MAN1C1: variants seen among roughly 807,000 people sequenced by gnomAD.
MAN1C1 encodes mannosyl-oligosaccharide 1,2-alpha-mannosidase IC.
MAN1C1 carries 49 observed loss-of-function variants against 71.5 expected under a neutral mutation model. The observed-to-expected ratio is 0.69, with a 90% confidence interval of 0.54 to 0.87. MAN1C1 has a LOEUF of 0.87. MAN1C1 is among the 40% of genes least tolerant of loss of function. MAN1C1 has a pLI of 0.00. For synonymous variants in MAN1C1, 352 were observed against 343.7 expected, an observed-to-expected ratio of 1.02 and a Z score of -0.27; for missense variants, 743 against 835.0, an observed-to-expected ratio of 0.89 and a Z score of 1.36.
At chr1:25,728,770 A>G (rs1178722479) in intron 2 of MAN1C1, among the ~76,000 whole-genome samples, 1 of 152,116 alleles carries the variant, frequency 6.6e-6, no homozygotes, top group Non-Finnish European at 1.5e-5. Context: ...TGGGAAACGC[A>G]GTGCCTGCCT....
rs879716987 is a variant in MAN1C1, at chr1:25,675,591, G to C, written c.541-10849G>C. On this transcript the variant is annotated intron_variant, in intron 1 of 11. Coordinates refer to ENST00000374332, the MANE Select transcript of MAN1C1 (RefSeq NM_020379.4). ...ATATAATGACTTATTTTGCGGGGGG[G>C]GGGGGAGGTGGTTACCCAGTGTGGG... Among the ~76,000 whole-genome samples the C allele has an allele frequency of 4.9e-3, 710 of 143,724 alleles. 14 individuals carry two copies. The highest frequency in any genetic ancestry group is 0.016 in the African/African-American group (635 of 39,150). The allele number at this position is 143,724 out of a possible 152,430, so 94.3% of individuals were successfully genotyped here.
intron 1 of MAN1C1, among the ~76,000 whole-genome samples, chr1:25,685,379 C>T (rs919712060): frequency 2.6e-5 from 4 of 152,352 alleles, no homozygotes; most frequent in Admixed American, 1.3e-4. Flanking sequence ...GCTGCCACCG[C>T]GGGCCCCGGC....
chr1:25,695,303 A>G (rs2046355885), intron 2 of MAN1C1, among the ~76,000 whole-genome samples: 1 of 152,152 alleles, frequency 6.6e-6, no homozygotes, highest in Non-Finnish European at 1.5e-5. Context: ...TGGTAGTCAC[A>G]TGCTTTGAGA....
intron 5 of MAN1C1, among the ~76,000 whole-genome samples, chr1:25,755,499 G>A (rs926051601): frequency 6.6e-6 from 1 of 152,146 alleles, no homozygotes; most frequent in African/African-American, 2.4e-5. Flanking sequence ...GCATGCTCCC[G>A]CCACACACAA....
chr1:25,741,013 G>A (rs1277437386), intron 2 of MAN1C1, among the ~76,000 whole-genome samples: 1 of 152,096 alleles, frequency 6.6e-6, no homozygotes, highest in Non-Finnish European at 1.5e-5. Context: ...CAGCTCTTGG[G>A]AGGAGGACAT....
intron 2 of MAN1C1, among the ~76,000 whole-genome samples, chr1:25,745,335 CTT>C (rs10555591): frequency 0.65 from 97,176 of 149,284 alleles, 31,981 homozygotes; most frequent in Middle Eastern, 0.81. Context: ...ATTTTCTTTC[CTT>C]TTTTTTTTTT....
chr1:25,696,276 A>T (rs2046368527), intron 2 of MAN1C1, among the ~76,000 whole-genome samples: 1 of 152,156 alleles, frequency 6.6e-6, no homozygotes, highest in African/African-American at 2.4e-5. Context: ...AGAATCTCAG[A>T]CTACCAGGCC....
In MAN1C1 at chr1:25,776,330, C is replaced by A. The variant is rs1009119491; in HGVS notation, c.1258-1775C>A. On this transcript the variant is annotated intron_variant, in intron 8 of 11. Transcript: ENST00000374332. This position sits in a 1 kb window ranked among gnomAD's most constrained non-coding sequence, Gnocchi z 4.3. ...TTTTGGGAGGCCGAGGTGGGTGGAT[C>A]CCCTGAGGTCAGGAGTTCAAGACCA... is the stretch of plus-strand genomic sequence containing the variant. Among the ~76,000 whole-genome samples, 2 of 151,850 alleles carry A rather than the reference C, an allele frequency of 1.3e-5. No homozygotes were observed. The highest frequency in any genetic ancestry group is 2.9e-5 in the Non-Finnish European group (2 of 67,822).
At chr1:25,722,140 A>G (rs1265064270) in intron 2 of MAN1C1, among the ~76,000 whole-genome samples, 1 of 152,188 alleles carries the variant, frequency 6.6e-6, no homozygotes, top group Non-Finnish European at 1.5e-5. Flanking sequence ...CGGATGAGAA[A>G]CCTGATGCCA....
At chr1:25,635,756 C>G (rs1432151143) in intron 1 of MAN1C1, among the ~76,000 whole-genome samples, 1 of 152,106 alleles carries the variant, frequency 6.6e-6, no homozygotes, top group African/African-American at 2.4e-5. Context: ...ACCTCATTTT[C>G]TTTTTAATGT....
chr1:25,768,090 G>C (rs1572207412), intron 7 of MAN1C1, among the ~76,000 whole-genome samples: 3 of 30,232 alleles, frequency 9.9e-5, no homozygotes, highest in East Asian at 1.1e-3. Context: ...CCCACACACA[G>C]ACCCACACAC....
At chr1:25,659,560 G>A (rs1028277077) in intron 1 of MAN1C1, among the ~76,000 whole-genome samples, 3 of 152,112 alleles carry the variant, frequency 2.0e-5, no homozygotes, top group Non-Finnish European at 4.4e-5. Flanking sequence ...TTCTTTTTTA[G>A]TGATAAAAGT....
At chr1:25,700,656 G>A (rs544402407) in intron 2 of MAN1C1, among the ~76,000 whole-genome samples, 1 of 152,304 alleles carries the variant, frequency 6.6e-6, no homozygotes, top group Non-Finnish European at 1.5e-5. Flanking sequence ...CATACTCCTC[G>A]AACTCTTTAA....
At chr1:25,748,985 A>G (rs1010208677) in intron 3 of MAN1C1, among the ~76,000 whole-genome samples, 5 of 152,252 alleles carry the variant, frequency 3.3e-5, no homozygotes, top group Non-Finnish European at 7.3e-5. Flanking sequence ...TTGGAGCACA[A>G]CCAGGCATCG....
Position 25,725,134 on chromosome 1 carries a change from T to C in MAN1C1, c.638-21534T>C, listed in dbSNP as rs149029766. On this transcript the variant is annotated intron_variant, in intron 2 of 11. Transcript: ENST00000374332. This position sits in a 1 kb window ranked among gnomAD's most constrained non-coding sequence, Gnocchi z 4.8. ...TGTCAAAGCACCATTAAAACCCAGC[T>C]CTGGTCAATACCAATGTGGTGTGAA... Among the ~76,000 whole-genome samples, 34 of 152,312 alleles carry C rather than the reference T, an allele frequency of 2.2e-4. No individual in the cohort carries two copies. Among genetic ancestry groups the C allele is most frequent in the Middle Eastern group, 3.4e-3 (1 of 294 alleles).
In MAN1C1 at chr1:25,783,979, G is replaced by A; in HGVS notation, c.*190G>A. The stretch of plus-strand genomic sequence containing the variant: ...GGAGACTCAGCGATGTCAGGCCAGG[G>A]CCATGGCCACACTGGCCCACACATT... On this transcript the variant is annotated 3_prime_UTR_variant, in exon 12 of 12. Coordinates refer to ENST00000374332, the MANE Select transcript of MAN1C1 (RefSeq NM_020379.4). 1 of 701,774 alleles carries A rather than the reference G, an allele frequency of 1.4e-6. No individual in the cohort carries two copies. The allele number at this position is 701,774 out of a possible 1,614,324, so 43.5% of individuals were successfully genotyped here.
intron 7 of MAN1C1, among the ~76,000 whole-genome samples, chr1:25,768,589 C>A (rs146632513): frequency 0.011 from 938 of 86,702 alleles, 74 homozygotes; most frequent in African/African-American, 0.039. Context: ...CAGACCCACA[C>A]ACCCACACTC....
At chr1:25,747,983 T>A (rs1482154130) in intron 3 of MAN1C1, among the ~76,000 whole-genome samples, 1 of 152,174 alleles carries the variant, frequency 6.6e-6, no homozygotes, top group Non-Finnish European at 1.5e-5. Context: ...TCTGGTTGTT[T>A]GTGTGAGGCC....
rs569514777 is a variant in MAN1C1, at chr1:25,704,322, C to T, written c.637+17786C>T. 3.3e-5 allele frequency among the ~76,000 whole-genome samples: 5 copies of T among 152,326 alleles called. No individual in the cohort carries two copies. In the East Asian group the frequency reaches 9.6e-4, roughly 29 times the overall value. On this transcript the variant is annotated intron_variant, in intron 2 of 11. Transcript: ENST00000374332. ...CCTGAAGGCAGGAGCTGCCTCTGAG[C>T]TGCCTCCAAGCCAGCCTGGGGCCTG...
Sources: gnomAD v4.1 joint callset for allele counts (sites outside exome capture counted in the v4.1 genomes callset) on GRCh38, gnomAD v4.1.1 for gene constraint, Gnocchi (gnomAD v3.1) non-coding constraint, MANE v1.5 for transcripts, NCBI Gene and HGNC (gene_info 2026-07-23, HGNC 2026-07-21) for gene names.